The following ALDH1A2 variants were observed in gnomAD, a reference collection of about 807,000 sequenced individuals.
The protein encoded by ALDH1A2 is aldehyde dehydrogenase 1 family member A2.
In ALDH1A2, 27 loss-of-function variants were observed where a neutral mutation model predicts 60.3. The observed-to-expected ratio is 0.45, with a 90% confidence interval of 0.33 to 0.62. ALDH1A2 has a LOEUF of 0.62. Among genes scored for constraint, ALDH1A2 ranks in the 20% least tolerant of loss-of-function variants. The pLI is 0.02. For synonymous variants in ALDH1A2, 289 were observed against 232.4 expected (o/e 1.24, Z -2.21); for missense variants, 581 against 643.8 (o/e 0.90, Z 1.06).
chr15:58,056,828 A>G (rs1476736781), intron 1 of ALDH1A2, among the ~76,000 whole-genome samples: 1 of 152,114 alleles, frequency 6.6e-6, no homozygotes, highest in African/African-American at 2.4e-5. Context: ...CAAAGTAGCA[A>G]TGAGATGCCA....
intron 1 of ALDH1A2, among the ~76,000 whole-genome samples, chr15:58,019,664 C>G (rs1235159023): frequency 1.3e-5 from 2 of 152,120 alleles, no homozygotes; most frequent in African/African-American, 4.8e-5. Context: ...GTTCATATCC[C>G]TTTCTTTCCA....
At chr15:58,058,613 T>A (rs1357029317) in intron 1 of ALDH1A2, among the ~76,000 whole-genome samples, 1 of 151,510 alleles carries the variant, frequency 6.6e-6, no homozygotes, top group Non-Finnish European at 1.5e-5. Context: ...TTGGAAAGAG[T>A]TTTCAGATTC....
chr15:58,033,314 G>C (rs74655564), intron 1 of ALDH1A2, among the ~76,000 whole-genome samples: 47,235 of 151,338 alleles, frequency 0.31, 7,938 homozygotes, highest in Non-Finnish European at 0.39. Flanking sequence ...CTTTCTATTT[G>C]ACATGCTTTA....
chr15:57,992,167 T>C (rs1282733385), intron 7 of ALDH1A2, among the ~76,000 whole-genome samples: 1 of 152,244 alleles, frequency 6.6e-6, no homozygotes, highest in Non-Finnish European at 1.5e-5. Context: ...TATCTATGAC[T>C]GTTTGGTGAT....
chr15:57,991,391 CA>C (rs1894891831), intron 7 of ALDH1A2: 1 of 152,140 alleles, frequency 6.6e-6, no homozygotes, highest in Admixed American at 6.5e-5. Context: ...GTTAACTCGA[CA>C]AACACAAAAC....
At chr15:58,012,459 A>C (rs1163411671) in intron 3 of ALDH1A2, among the ~76,000 whole-genome samples, 1 of 152,196 alleles carries the variant, frequency 6.6e-6, no homozygotes, top group Admixed American at 6.5e-5. Context: ...TGATATTGGT[A>C]TGTTAGCCAG....
chr15:58,013,108 G>C (rs2140517523), intron 3 of ALDH1A2, among the ~76,000 whole-genome samples: 1 of 152,338 alleles, frequency 6.6e-6, no homozygotes, highest in Middle Eastern at 3.4e-3. Flanking sequence ...GCTATCTCCT[G>C]CTGTCTCTCC....
chr15:58,034,343 G>A lies in ALDH1A2; in HGVS notation c.118-20062C>T, dbSNP rs140698346. Reference sequence around the variant, plus strand: ...AATCCTGCAAATTTATAGTAATCCCGTCAGTTCTAGATGTTTTTTTCTTTT... The same window carrying A: ...AATCCTGCAAATTTATAGTAATCCCATCAGTTCTAGATGTTTTTTTCTTTT... On this transcript the variant is annotated intron_variant, in intron 1 of 12. Coordinates refer to ENST00000249750, the MANE Select transcript of ALDH1A2 (RefSeq NM_003888.4). 7.9e-5 allele frequency among the ~76,000 whole-genome samples: 12 copies of A among 151,592 alleles called. No individual in the cohort carries two copies. In the South Asian group the frequency reaches 8.3e-4, roughly 10 times the overall value.
intron 1 of ALDH1A2, among the ~76,000 whole-genome samples, chr15:58,022,006 T>C (rs1174552196): frequency 6.6e-6 from 1 of 152,178 alleles, no homozygotes; most frequent in Non-Finnish European, 1.5e-5. Flanking sequence ...ATTCCCCACC[T>C]GCCGGTCCAG....
At chr15:58,027,928 G>A (rs1206788152) in intron 1 of ALDH1A2, among the ~76,000 whole-genome samples, 4 of 152,192 alleles carry the variant, frequency 2.6e-5, no homozygotes, top group Non-Finnish European at 2.9e-5. Flanking sequence ...TTTGATTGGT[G>A]TACCTGAAAG....
chr15:57,976,671 G>A lies in ALDH1A2; in HGVS notation c.799-10844C>T, dbSNP rs112861257. Among the ~76,000 whole-genome samples the A allele has an allele frequency of 7.2e-5, 11 of 152,270 alleles. 2 individuals carry two copies. The highest frequency in any genetic ancestry group is 2.6e-4 in the African/African-American group (11 of 41,556). ...TCTTTATCCAGTCTATCATCGATGG[G>A]CATCTGGGTTGGTTCCAAGTCCTTG... is the stretch of plus-strand genomic sequence containing the variant. On this transcript the variant is annotated intron_variant, in intron 7 of 12. Transcript: ENST00000249750.
rs117614021 is a variant in ALDH1A2 at position 58,021,102 on chromosome 15, G to A, written c.118-6821C>T. On this transcript the variant is annotated intron_variant, in intron 1 of 12. Transcript: ENST00000249750. ...CTCATTTATCTTTTCCTGTCTTTCT[G>A]CTCTCAACTATATCTTTATTATTTT... Among the ~76,000 whole-genome samples the A allele has an allele frequency of 6.0e-3, 909 of 152,056 alleles. 7 individuals carry two copies. Among genetic ancestry groups the A allele is most frequent in the Admixed American group, 0.011 (166 of 15,274 alleles).
chr15:58,011,189 A>C (rs35726769), intron 3 of ALDH1A2, among the ~76,000 whole-genome samples: 2 of 152,274 alleles, frequency 1.3e-5, no homozygotes, highest in African/African-American at 2.4e-5. Context: ...AACTGATGAG[A>C]ATAGAAAGTG....
intron 4 of ALDH1A2, among the ~76,000 whole-genome samples, chr15:57,999,168 A>C (rs1465701266): frequency 6.6e-6 from 1 of 152,204 alleles, no homozygotes; most frequent in Non-Finnish European, 1.5e-5. Context: ...AAACGTCAAA[A>C]GCAATCGCAA....
intron 1 of ALDH1A2, among the ~76,000 whole-genome samples, chr15:58,028,613 G>T (rs1474781500): frequency 2.0e-5 from 3 of 152,062 alleles, no homozygotes; most frequent in African/African-American, 7.2e-5. Flanking sequence ...TGCTAAATTG[G>T]ATAGAGTCAA....
chr15:58,020,266 T>A (rs377402148), intron 1 of ALDH1A2, among the ~76,000 whole-genome samples: 19 of 152,364 alleles, frequency 1.2e-4, no homozygotes, highest in African/African-American at 3.8e-4. Context: ...TTGTGAATAG[T>A]GCTGCAATGA....
chr15:57,963,512 T>G (rs560120566), intron 9 of ALDH1A2, among the ~76,000 whole-genome samples: 1 of 151,912 alleles, frequency 6.6e-6, no homozygotes, highest in Non-Finnish European at 1.5e-5. Context: ...GCTAATTTTT[T>G]TTTTGTATTT....
intron 4 of ALDH1A2, among the ~76,000 whole-genome samples, chr15:57,996,465 C>T (rs968585345): frequency 6.6e-5 from 10 of 150,606 alleles, no homozygotes; most frequent in East Asian, 3.9e-4. Flanking sequence ...TTTATACAAA[C>T]GGGATATTAT....
At chr15:58,046,446 G>T (rs895836007) in intron 1 of ALDH1A2, among the ~76,000 whole-genome samples, 3 of 151,936 alleles carry the variant, frequency 2.0e-5, no homozygotes, top group Admixed American at 6.6e-5. Flanking sequence ...GAAAAATCAA[G>T]AAATTCGTTA....
Sources: allele counts gnomAD v4.1 joint callset (sites outside exome capture counted in the v4.1 genomes callset), GRCh38; gene constraint gnomAD v4.1.1; transcripts MANE v1.5; gene names NCBI Gene and HGNC (gene_info 2026-07-23, HGNC 2026-07-21).